CYP4Z1: variants seen among roughly 807,000 people sequenced by gnomAD.
The protein encoded by CYP4Z1 is cytochrome P450 family 4 subfamily Z member 1.
Under a neutral mutation model 54.2 loss-of-function variants are expected in CYP4Z1, and 41 were observed. The ratio of observed to expected loss-of-function variants is 0.76; its 90% confidence interval spans 0.59 to 0.98. The LOEUF (loss-of-function observed/expected upper bound fraction) is 0.98, where lower values mean the gene tolerates loss of function less well. Ranked by LOEUF, CYP4Z1 falls within the 50% of genes least tolerant of loss-of-function variation. The pLI, the probability that CYP4Z1 is intolerant of heterozygous loss-of-function variation, is 0.00. For missense variants in CYP4Z1, 513 were observed against 599.0 expected (o/e 0.86, Z 1.50); for synonymous variants, 163 against 206.2 (o/e 0.79, Z 1.79).
chr1:47,079,523 A>C (rs1252109866), intron 2 of CYP4Z1, among the ~76,000 whole-genome samples: 1 of 152,266 alleles, frequency 6.6e-6, no homozygotes, highest in African/African-American at 2.4e-5. Context: ...CACACTTATT[A>C]GCCTTAAATG....
At chr1:47,099,371 A>C in intron 8 of CYP4Z1, 87 bp downstream of exon 8, 1 of 1,289,262 alleles carries the variant, frequency 7.8e-7, no homozygotes, top group East Asian at 2.5e-5. Context: ...GTTATTGTGC[A>C]TTGAGATAGT....
intron 9 of CYP4Z1, among the ~76,000 whole-genome samples, chr1:47,112,990 C>G (rs1644804128): frequency 6.6e-6 from 1 of 151,230 alleles, no homozygotes; most frequent in Non-Finnish European, 1.5e-5. Context: ...TCCCAAGTAG[C>G]TGACTAGGAA....
chr1:47,078,401 T>C (rs1644540862), intron 2 of CYP4Z1, among the ~76,000 whole-genome samples: 1 of 151,452 alleles, frequency 6.6e-6, no homozygotes, highest in Non-Finnish European at 1.5e-5. Context: ...TTATATGTCT[T>C]TGTTAATATT....
the CYP4Z1 span, among the ~76,000 whole-genome samples, chr1:47,058,592 C>A: frequency 0.42 from 63,666 of 151,980 alleles, 14,693 homozygotes; most frequent in East Asian, 0.97. Flanking sequence ...ACACAATCCT[C>A]ATTCTGTTTC....
chr1:47,057,343 T>A, the CYP4Z1 span, among the ~76,000 whole-genome samples: 4,609 of 15,610 alleles, frequency 0.3, 510 homozygotes, highest in East Asian at 0.42. Context: ...AAAATATATA[T>A]ATATATATAT....
chr1:47,092,401 T>C (rs1007239638), intron 6 of CYP4Z1, among the ~76,000 whole-genome samples: 3 of 151,874 alleles, frequency 2.0e-5, no homozygotes, highest in Non-Finnish European at 4.4e-5. Context: ...TTCTGTACTT[T>C]CCTTCTAATA....
chr1:47,089,325 A>AT (rs969951015), intron 6 of CYP4Z1, among the ~76,000 whole-genome samples: 68 of 150,924 alleles, frequency 4.5e-4, no homozygotes, highest in African/African-American at 1.5e-3. Context: ...TTTTTTAATA[A>AT]TTTTTTTTTA....
the CYP4Z1 span, among the ~76,000 whole-genome samples, chr1:47,057,503 C>A: frequency 9.5e-6 from 1 of 104,768 alleles, no homozygotes; most frequent in Non-Finnish European, 1.9e-5. Flanking sequence ...TAGCTTTTTT[C>A]ATTTTTTTTT....
Position 47,068,657 on chromosome 1 carries a change from G to C in CYP4Z1, c.213G>C (p.Lys71Asn). 1.2e-6 allele frequency: 2 copies of C among 1,614,138 alleles called. No individual in the cohort carries two copies. The highest frequency in any genetic ancestry group is 3.3e-5 in the Admixed American group (2 of 60,014). Residue 71 changes from lysine (K) to asparagine (N), a missense_variant, in exon 2 of 12, where the codon AAG becomes AAC. Coordinates refer to ENST00000334194, the MANE Select transcript of CYP4Z1 (RefSeq NM_178134.3). ...TAAAGGAGTTTGAGGTGTATCATAA[G>C]CTGATGGAAAAATACCCATGTGCTG... ...YPVKEFEVYH[K>N]LMEKYPCAVP...
At chr1:47,101,978 T>G (rs1644725183) in intron 8 of CYP4Z1, among the ~76,000 whole-genome samples, 1 of 152,192 alleles carries the variant, frequency 6.6e-6, no homozygotes, top group African/African-American at 2.4e-5. Context: ...TGTTATAGCC[T>G]CTTGCTAAAC....
intron 9 of CYP4Z1, among the ~76,000 whole-genome samples, chr1:47,114,076 T>C (rs1197017110): frequency 1.3e-5 from 2 of 151,930 alleles, no homozygotes; most frequent in East Asian, 3.9e-4. Context: ...CAAAACAGCA[T>C]GGTACTGGTA....
At chr1:47,055,884 T>G in the CYP4Z1 span, among the ~76,000 whole-genome samples, 970 of 152,172 alleles carry the variant, frequency 6.4e-3, 10 homozygotes, top group African/African-American at 0.021. Flanking sequence ...CTGGATTCAT[T>G]GATTTTTTGA....
At chr1:47,080,225 A>C (rs1644553236) in intron 2 of CYP4Z1, among the ~76,000 whole-genome samples, 2 of 122,120 alleles carry the variant, frequency 1.6e-5, no homozygotes, top group Middle Eastern at 3.8e-3. Flanking sequence ...AATTTATCTC[A>C]AAGTCATGTT....
intron 6 of CYP4Z1, among the ~76,000 whole-genome samples, chr1:47,088,388 A>G (rs2148532063): frequency 6.6e-6 from 1 of 152,304 alleles, no homozygotes; most frequent in South Asian, 2.1e-4. Context: ...TTATTGGTCT[A>G]TTCAGAGATT....
At position 47,074,796 on chromosome 1, in the gene CYP4Z1, C is replaced by G. The variant is rs1344558808; in HGVS notation, c.320-5827C>G. On this transcript the variant is annotated intron_variant, in intron 2 of 11. Transcript: ENST00000334194. ...CAGCTTTGGCAGGCTTATCATACATCAGGTCAAACTTGTGGTCCAGGCAAG... is the reference window on the plus strand; with the variant it reads ...CAGCTTTGGCAGGCTTATCATACATGAGGTCAAACTTGTGGTCCAGGCAAG... 4 of 510,010 alleles carry G rather than the reference C, an allele frequency of 7.8e-6. No individual in the cohort carries two copies. In the African/African-American group the frequency reaches 7.9e-5, roughly 10 times the overall value. 31.6% of individuals were successfully genotyped at this position (510,010 alleles called of 1,614,324 possible). A position where few individuals can be genotyped will look rare whatever the true frequency, so the allele number is the denominator to read the frequency against.
At chr1:47,062,698 A>G (rs1644430405), upstream of CYP4Z1, among the ~76,000 whole-genome samples, 1 of 152,130 alleles carries the variant, frequency 6.6e-6, no homozygotes, top group Non-Finnish European at 1.5e-5. Context: ...GCCCCGCCCA[A>G]GGAAAGGCTG....
chr1:47,069,443 C>T (rs1569696610), intron 2 of CYP4Z1, among the ~76,000 whole-genome samples: 1 of 54,008 alleles, frequency 1.9e-5, no homozygotes, highest in Non-Finnish European at 3.3e-5. Flanking sequence ...TTCAAGCAGC[C>T]TGTGGCTCTC....
At chr1:47,068,584 C>T in intron 1 of CYP4Z1, 38 bp from the exon 2 acceptor site, 1 of 1,608,994 alleles carries the variant, frequency 6.2e-7, no homozygotes, top group Non-Finnish European at 8.5e-7. Context: ...CCTGGGGTGA[C>T]AACCTTTACT....
At chr1:47,103,793 A>C (rs1644737993) in intron 8 of CYP4Z1, among the ~76,000 whole-genome samples, 1 of 151,450 alleles carries the variant, frequency 6.6e-6, no homozygotes, top group Non-Finnish European at 1.5e-5. Context: ...ATAGGGTTTC[A>C]CCATGTTGGC....
Sources: allele counts gnomAD v4.1 joint callset (sites outside exome capture counted in the v4.1 genomes callset), GRCh38; gene constraint gnomAD v4.1.1; transcripts MANE v1.5; gene names NCBI Gene and HGNC (gene_info 2026-07-23, HGNC 2026-07-21).